The following FGF14 variants were observed in gnomAD, a reference collection of about 807,000 sequenced individuals.
FGF14 encodes the protein fibroblast growth factor 14.
A neutral mutation model predicts 25.5 loss-of-function variants in FGF14; 5 were observed. That is an observed-to-expected ratio of 0.20 (90% CI 0.10 to 0.41). The LOEUF (loss-of-function observed/expected upper bound fraction) is 0.41, where lower values mean the gene tolerates loss of function less well. Among genes scored for constraint, FGF14 ranks in the 10% least tolerant of loss-of-function variants. FGF14 has a pLI of 1.00. For missense variants in FGF14, 222 were observed against 320.1 expected (o/e 0.69, Z 2.34); for synonymous variants, 138 against 118.3 (o/e 1.17, Z -1.08).
At chr13:102,304,278 T>C (rs2055245015) in intron 1 of FGF14, among the ~76,000 whole-genome samples, 1 of 152,234 alleles carries the variant, frequency 6.6e-6, no homozygotes, top group South Asian at 2.1e-4. Context: ...GAGATGCTAC[T>C]TGGTTCAATA....
chr13:102,332,891 A>G (rs751308407), intron 1 of FGF14, among the ~76,000 whole-genome samples: 1 of 152,216 alleles, frequency 6.6e-6, no homozygotes, highest in Non-Finnish European at 1.5e-5. Flanking sequence ...TAGCTCAGTT[A>G]CAAACAAATC....
At chr13:101,911,000 T>G (rs1297212435) in intron 1 of FGF14, among the ~76,000 whole-genome samples, 1 of 151,942 alleles carries the variant, frequency 6.6e-6, no homozygotes, top group African/African-American at 2.4e-5. Flanking sequence ...TGGGGAGACA[T>G]TAATATAAAT....
chr13:102,187,194 CA>C (rs2048912321), intron 1 of FGF14, among the ~76,000 whole-genome samples: 2 of 152,178 alleles, frequency 1.3e-5, no homozygotes, highest in Admixed American at 1.3e-4. Context: ...AAGTGTGCTA[CA>C]AAAATTGCAT....
In FGF14 at chr13:102,363,679, T is replaced by A. The variant is rs1225189117; in HGVS notation, c.208+37792A>T. ...TTCTTGAACCAGAGAAAATATATTA[T>A]TCTTTATTTCTCTAATGTGATGTCT... On this transcript the variant is annotated intron_variant, in intron 1 of 4. Coordinates refer to the FGF14 transcript ENST00000376131. Among the ~76,000 whole-genome samples the A allele has an allele frequency of 3.3e-5, 5 of 152,336 alleles. No individual in the cohort carries two copies. The East Asian group carries it at 9.6e-4, about 29-fold the overall frequency.
At chr13:101,867,598 C>T (rs996918950) in intron 3 of FGF14, among the ~76,000 whole-genome samples, 3 of 152,076 alleles carry the variant, frequency 2.0e-5, no homozygotes, top group Admixed American at 6.6e-5. Context: ...TAATCCTTTT[C>T]GTATTTAATT....
intron 1 of FGF14, among the ~76,000 whole-genome samples, chr13:101,931,714 A>G (rs1245634181): frequency 6.6e-6 from 1 of 152,230 alleles, no homozygotes; most frequent in Non-Finnish European, 1.5e-5. Flanking sequence ...ACTGATGCCC[A>G]CGTGAAAGCC....
intron 1 of FGF14, among the ~76,000 whole-genome samples, chr13:102,059,588 C>T (rs975059515): frequency 3.9e-5 from 6 of 152,218 alleles, no homozygotes; most frequent in Admixed American, 3.3e-4. Flanking sequence ...CAGTGACTCA[C>T]GCCTGTAATC....
At chr13:102,284,257 T>C (rs768716635) in intron 1 of FGF14, among the ~76,000 whole-genome samples, 1 of 152,132 alleles carries the variant, frequency 6.6e-6, no homozygotes, top group African/African-American at 2.4e-5. Flanking sequence ...AAATCAATTA[T>C]AAAACTTCAT....
chr13:102,099,104 C>T (rs1015388281), intron 1 of FGF14, among the ~76,000 whole-genome samples: 2 of 152,124 alleles, frequency 1.3e-5, no homozygotes, highest in African/African-American at 4.8e-5. Context: ...GGGTCATTCC[C>T]GTTTCCTCCT....
chr13:102,374,583 A>C (rs569545642), intron 1 of FGF14, among the ~76,000 whole-genome samples: 1 of 143,750 alleles, frequency 7.0e-6, no homozygotes, highest in South Asian at 2.3e-4. Context: ...ATAAATGTAA[A>C]AGTAAATTTT....
chr13:102,283,951 C>T (rs1415102121), intron 1 of FGF14, among the ~76,000 whole-genome samples: 2 of 152,056 alleles, frequency 1.3e-5, no homozygotes, highest in Non-Finnish European at 1.5e-5. Flanking sequence ...TATGTCAGTA[C>T]GTAGTAGGTA....
intron 1 of FGF14, among the ~76,000 whole-genome samples, chr13:101,896,880 T>G (rs1027379530): frequency 3.3e-5 from 5 of 152,104 alleles, no homozygotes; most frequent in African/African-American, 1.2e-4. Flanking sequence ...TTATCTATGT[T>G]TTGGGGTAAC....
At chr13:101,900,623 G>A (rs536400829) in intron 1 of FGF14, among the ~76,000 whole-genome samples, 13 of 152,136 alleles carry the variant, frequency 8.5e-5, no homozygotes, top group Admixed American at 2.0e-4. Context: ...TTTCAAGTAG[G>A]CAAGACTAAT....
rs374700859 is a variant in FGF14 at position 102,021,951 on chromosome 13, T to A, written c.209-146655A>T. Among the ~76,000 whole-genome samples, 40 of 152,216 alleles carry A rather than the reference T, an allele frequency of 2.6e-4. No individual in the cohort carries two copies. In the East Asian group the frequency reaches 6.4e-3, roughly 24 times the overall value. On this transcript the variant is annotated intron_variant, in intron 1 of 4. Transcript: ENST00000376131. ...AGAACATGAGTGATGATTAACTAGA[T>A]GATCACTAATTACCATTCCAGTTCT...
At chr13:102,201,155 A>G (rs1387306304) in intron 1 of FGF14, among the ~76,000 whole-genome samples, 2 of 149,244 alleles carry the variant, frequency 1.3e-5, no homozygotes, top group Admixed American at 6.7e-5. Context: ...CTTCTTTATC[A>G]AAAGTCTCCT....
chr13:101,907,403 G>A (rs1311849267), intron 1 of FGF14, among the ~76,000 whole-genome samples: 1 of 152,076 alleles, frequency 6.6e-6, no homozygotes, highest in Admixed American at 6.6e-5. Flanking sequence ...GTAAATGGTA[G>A]GTTTAAAGTA....
chr13:102,087,394 T>C (rs370740711), intron 1 of FGF14, among the ~76,000 whole-genome samples: 1 of 137,930 alleles, frequency 7.3e-6, no homozygotes, highest in African/African-American at 2.6e-5. Flanking sequence ...TAGTAAAAAA[T>C]AGACTGTAAT....
intron 3 of FGF14, among the ~76,000 whole-genome samples, chr13:101,747,978 A>G (rs889931339): frequency 2.6e-5 from 4 of 152,044 alleles, no homozygotes; most frequent in Non-Finnish European, 5.9e-5. Context: ...GGTGTCGGAG[A>G]GGATGCAGAG....
chr13:102,189,214 G>GT (rs1237279826), intron 1 of FGF14, among the ~76,000 whole-genome samples: 3 of 152,074 alleles, frequency 2.0e-5, no homozygotes, highest in African/African-American at 7.2e-5. Context: ...AAAAGTAGAG[G>GT]TTGATAGGTT....
Sources: allele counts gnomAD v4.1 joint callset (sites outside exome capture counted in the v4.1 genomes callset), GRCh38; gene constraint gnomAD v4.1.1; transcripts MANE v1.5; gene names NCBI Gene and HGNC (gene_info 2026-07-23, HGNC 2026-07-21).